The following CLSTN2 variants were observed in gnomAD, a reference collection of about 807,000 sequenced individuals.
CLSTN2 encodes the protein calsyntenin-2.
A neutral mutation model predicts 101.2 loss-of-function variants in CLSTN2; 48 were observed. That is an observed-to-expected ratio of 0.47 (90% confidence interval 0.38 to 0.60). The LOEUF (loss-of-function observed/expected upper bound fraction) is 0.60, where lower values mean the gene tolerates loss of function less well. Ranked by LOEUF, CLSTN2 falls within the 20% of genes least tolerant of loss-of-function variation. The pLI is 0.00. For synonymous variants in CLSTN2, 481 were observed against 463.6 expected (o/e 1.04, Z -0.48); for missense variants, 1,160 against 1,238.2 (o/e 0.94, Z 0.95).
intron 2 of CLSTN2, among the ~76,000 whole-genome samples, chr3:140,209,446 A>G (rs899173981): frequency 6.6e-6 from 1 of 152,118 alleles, no homozygotes; most frequent in South Asian, 2.1e-4. Flanking sequence ...TTGGTGCGAG[A>G]TAGCTGCGAG....
chr3:140,495,691 G>T (rs1464009344), intron 8 of CLSTN2, among the ~76,000 whole-genome samples: 2 of 152,196 alleles, frequency 1.3e-5, no homozygotes, highest in African/African-American at 4.8e-5. Flanking sequence ...TGACTAGCCA[G>T]TTCTTCCAGC....
rs955477161 is a variant in CLSTN2, at chr3:140,575,849, C to T, written c.*9596C>T. ...ATATATGTGTACATATACACATACC[C>T]CAAAGCCATATACATATCTATAATA... On this transcript the variant is annotated 3_prime_UTR_variant, in exon 17 of 17. Coordinates refer to ENST00000458420, the MANE Select transcript of CLSTN2 (RefSeq NM_022131.3). The T allele has an allele frequency of 9.9e-5, 15 of 151,644 alleles. No individual in the cohort carries two copies. The highest frequency in any genetic ancestry group is 3.6e-4 in the African/African-American group (15 of 41,240). 9.4% of individuals were successfully genotyped at this position (151,644 alleles called of 1,614,324 possible).
intron 5 of CLSTN2, among the ~76,000 whole-genome samples, chr3:140,423,091 A>G (rs2088523287): frequency 6.6e-6 from 1 of 152,230 alleles, no homozygotes; most frequent in African/African-American, 2.4e-5. Context: ...TCAGAAGAAT[A>G]GTCCCAATGC....
intron 3 of CLSTN2, 103 bp from the exon 4 acceptor site, chr3:140,404,455 T>A: frequency 1.0e-6 from 1 of 997,880 alleles, no homozygotes; most frequent in Non-Finnish European, 1.5e-6. Flanking sequence ...TGGTTTCTCC[T>A]TTCACTTGGC....
chr3:140,083,129 TCTTG>T (rs1187791140), intron 1 of CLSTN2, among the ~76,000 whole-genome samples: 2 of 152,220 alleles, frequency 1.3e-5, no homozygotes, highest in Non-Finnish European at 2.9e-5. Flanking sequence ...ACTCATGGCT[TCTTG>T]TATTCTTCTG....
intron 1 of CLSTN2, among the ~76,000 whole-genome samples, chr3:140,041,826 T>G (rs771424656): frequency 6.6e-6 from 1 of 152,164 alleles, no homozygotes; most frequent in Non-Finnish European, 1.5e-5. Context: ...GGGTCTCTGC[T>G]GTGTCTGCAG....
chr3:140,097,292 C>T (rs1380560387), intron 1 of CLSTN2, among the ~76,000 whole-genome samples: 1 of 152,152 alleles, frequency 6.6e-6, no homozygotes, highest in Non-Finnish European at 1.5e-5. Context: ...CTGCCTGTCT[C>T]CAAGCACAGT....
At chr3:140,497,514 C>T (rs1474686738) in intron 8 of CLSTN2, among the ~76,000 whole-genome samples, 2 of 152,168 alleles carry the variant, frequency 1.3e-5, no homozygotes, top group African/African-American at 2.4e-5. Flanking sequence ...GCAGAAATGG[C>T]GGCCGCCCCC....
rs747820553 is a variant in CLSTN2, at chr3:140,558,614, T to C, written c.1824-26T>C. On this transcript the variant is annotated intron_variant, in intron 11 of 16. Transcript: ENST00000458420. ...GATGGTTTAATTGTTTGCTCATCAG[T>C]GCCATGACCGAGAATGTTTTCCCAG... 6 of 1,592,558 alleles carry C rather than the reference T, an allele frequency of 3.8e-6. No individual in the cohort carries two copies. The South Asian group carries it at 6.6e-5, about 18-fold the overall frequency.
intron 2 of CLSTN2, among the ~76,000 whole-genome samples, chr3:140,391,927 G>T (rs1248185588): frequency 6.6e-6 from 1 of 152,108 alleles, no homozygotes; most frequent in Non-Finnish European, 1.5e-5. Flanking sequence ...ATAACCAGCA[G>T]TTTGGGAACT....
At chr3:140,440,820 A>G (rs1484034791) in intron 5 of CLSTN2, among the ~76,000 whole-genome samples, 1 of 152,232 alleles carries the variant, frequency 6.6e-6, no homozygotes, top group Non-Finnish European at 1.5e-5. Context: ...CAGAAAGATT[A>G]AAGAATATGC....
chr3:140,091,251 C>T (rs991471191), intron 1 of CLSTN2, among the ~76,000 whole-genome samples: 1 of 152,124 alleles, frequency 6.6e-6, no homozygotes, highest in East Asian at 1.9e-4. Flanking sequence ...AGAGCAGCTG[C>T]GGGCAGGGAG....
chr3:140,010,243 G>A (rs2007045273), intron 1 of CLSTN2, among the ~76,000 whole-genome samples: 1 of 152,148 alleles, frequency 6.6e-6, no homozygotes, highest in South Asian at 2.1e-4. Context: ...GGAGATTTCT[G>A]TACCCTGCCA....
intron 1 of CLSTN2, among the ~76,000 whole-genome samples, chr3:140,084,686 C>G (rs751729466): frequency 6.6e-6 from 1 of 152,174 alleles, no homozygotes; most frequent in Non-Finnish European, 1.5e-5. Flanking sequence ...GGGATATAAC[C>G]TATTGCTGGA....
At chr3:140,110,097 C>G (rs991581877) in intron 1 of CLSTN2, among the ~76,000 whole-genome samples, 1 of 152,214 alleles carries the variant, frequency 6.6e-6, no homozygotes, top group African/African-American at 2.4e-5. Context: ...TTTCAAGTTA[C>G]TACCATTCCT....
intron 7 of CLSTN2, among the ~76,000 whole-genome samples, chr3:140,461,814 C>T (rs1360001574): frequency 6.6e-6 from 1 of 152,058 alleles, no homozygotes; most frequent in South Asian, 2.1e-4. Flanking sequence ...CCCCAAGCAG[C>T]ACCCAGTGTT....
chr3:140,327,478 T>C (rs1453925431), intron 2 of CLSTN2, among the ~76,000 whole-genome samples: 3 of 152,228 alleles, frequency 2.0e-5, no homozygotes, highest in African/African-American at 7.2e-5. Flanking sequence ...AGGTTAGGAA[T>C]GTAGGTCTCT....
At chr3:140,345,502 A>C (rs1294522826) in intron 2 of CLSTN2, among the ~76,000 whole-genome samples, 1 of 151,728 alleles carries the variant, frequency 6.6e-6, no homozygotes, top group African/African-American at 2.4e-5. Flanking sequence ...CGCCTGCCTC[A>C]GCCTCCCAAA....
intron 2 of CLSTN2, among the ~76,000 whole-genome samples, chr3:140,358,914 C>T (rs1488679665): frequency 6.6e-6 from 1 of 152,112 alleles, no homozygotes; most frequent in Admixed American, 6.6e-5. Flanking sequence ...AAGGCTGTCA[C>T]AGGTGGTGGA....
Sources: allele counts gnomAD v4.1 joint callset (sites outside exome capture counted in the v4.1 genomes callset), GRCh38; gene constraint gnomAD v4.1.1; transcripts MANE v1.5; gene names NCBI Gene and HGNC (gene_info 2026-07-23, HGNC 2026-07-21).